Variants in PGR observed in about 807,000 individuals in gnomAD.
PGR encodes the protein nuclear receptor subfamily 3 group C member 3.
Under a neutral mutation model 76.1 loss-of-function variants are expected in PGR, and 25 were observed. The ratio of observed to expected loss-of-function variants is 0.33; its 90% CI spans 0.24 to 0.46. The LOEUF (loss-of-function observed/expected upper bound fraction) is 0.46, where lower values mean the gene tolerates loss of function less well. PGR is among the 20% of genes least tolerant of loss of function. The probability of loss-of-function intolerance (pLI) is 1.00; values close to 1 mark genes in which losing one functional copy is unlikely to be tolerated. For missense variants in PGR, 1,172 were observed against 1,225.3 expected (o/e 0.96, Z 0.65); for synonymous variants, 579 against 535.0 (o/e 1.08, Z -1.14).
intron 4 of PGR, among the ~76,000 whole-genome samples, chr11:101,055,406 C>A (rs1860252006): frequency 2.0e-5 from 2 of 98,258 alleles, no homozygotes; most frequent in Non-Finnish European, 1.8e-5. Context: ...CACAGCGAGA[C>A]TCCATCTCAA....
At chr11:101,059,751 T>C (rs573814125) in intron 4 of PGR, among the ~76,000 whole-genome samples, 2 of 142,990 alleles carry the variant, frequency 1.4e-5, no homozygotes, top group East Asian at 4.3e-4. Context: ...GCTGAGGTGG[T>C]AGGATAACTT....
intron 3 of PGR, among the ~76,000 whole-genome samples, chr11:101,075,771 C>T (rs959579531): frequency 3.9e-5 from 6 of 152,082 alleles, no homozygotes; most frequent in African/African-American, 1.4e-4. Context: ...CAATGAGATG[C>T]CATTTCATGC....
At chr11:101,118,320 A>G (rs554101035) in intron 2 of PGR, among the ~76,000 whole-genome samples, 1 of 152,360 alleles carries the variant, frequency 6.6e-6, no homozygotes, top group Admixed American at 6.5e-5. Flanking sequence ...TAAACACTCA[A>G]TAAATGATAA....
chr11:101,113,549 C>T (rs78174992), intron 2 of PGR, among the ~76,000 whole-genome samples: 15,978 of 152,006 alleles, frequency 0.11, 908 homozygotes, highest in East Asian at 0.19. Flanking sequence ...GGATTACAGG[C>T]GTGAGCCATT....
At chr11:101,079,522 A>G (rs895750817) in intron 3 of PGR, among the ~76,000 whole-genome samples, 3 of 152,192 alleles carry the variant, frequency 2.0e-5, no homozygotes, top group Admixed American at 6.6e-5. Context: ...AATGCTCAAC[A>G]TCACTAATCA....
chr11:101,116,567 C>G (rs954126685), intron 2 of PGR, among the ~76,000 whole-genome samples: 13 of 151,998 alleles, frequency 8.6e-5, no homozygotes, highest in Non-Finnish European at 1.8e-4. Context: ...CGGTGAAACC[C>G]TGTCTCTACT....
chr11:101,115,005 T>C (rs1862457988), intron 2 of PGR, among the ~76,000 whole-genome samples: 1 of 152,182 alleles, frequency 6.6e-6, no homozygotes, highest in Admixed American at 6.6e-5. Flanking sequence ...ATCCTCACCA[T>C]TCCTTTAAAG....
chr11:101,058,513 T>C (rs1203418395), intron 4 of PGR, among the ~76,000 whole-genome samples: 1 of 152,126 alleles, frequency 6.6e-6, no homozygotes, highest in East Asian at 1.9e-4. Flanking sequence ...ATACTGATAA[T>C]TGCAAGTAGT....
At position 101,062,606 on chromosome 11, in the gene PGR, G is replaced by A. The variant is rs767006543; in HGVS notation, c.2053C>T (p.Pro685Ser). Residue 685 changes from proline (P) to serine (S), a missense_variant, in exon 4 of 8, where the codon CCA (proline) becomes TCA (serine). Physicochemically the swap from Pro to Ser is moderately conservative, Grantham distance 74 (BLOSUM62 -1). Around this residue, in one of 4 missense-constraint regions of PGR, gnomAD observed 166 missense variants for 296.0 expected, o/e 0.56. Transcript: ENST00000325455. Reference sequence around the variant, plus strand: ...CTCATTAACAGGTTGATCAGTGGTGGAATCAACTGTATGTCTTGACCTGGT... The same window carrying A: ...CTCATTAACAGGTTGATCAGTGGTGAAATCAACTGTATGTCTTGACCTGGT... ...FSPGQDIQLI[P>S]PLINLLMSIE... The A allele has an allele frequency of 1.9e-5, 30 of 1,613,888 alleles. No homozygotes were observed. The highest frequency in any genetic ancestry group is 2.3e-5 in the Non-Finnish European group (27 of 1,179,962).
chr11:101,118,805 CA>C (rs1381554402), intron 2 of PGR, among the ~76,000 whole-genome samples: 1 of 152,156 alleles, frequency 6.6e-6, no homozygotes, highest in Non-Finnish European at 1.5e-5. Context: ...CATCTAGCCA[CA>C]AGAAGGATAT....
intron 4 of PGR, among the ~76,000 whole-genome samples, chr11:101,060,953 A>G (rs1431091556): frequency 3.3e-5 from 5 of 152,208 alleles, no homozygotes; most frequent in Admixed American, 2.0e-4. Flanking sequence ...TGAATAAGTC[A>G]TCTTTTCAAG....
In PGR at chr11:101,068,847, C is replaced by T. The variant is rs112078194; in HGVS notation, c.1907-6095G>A. On this transcript the variant is annotated intron_variant, in intron 3 of 7. Coordinates refer to ENST00000325455, the MANE Select transcript of PGR (RefSeq NM_000926.4). ...AAACTGAAAGTGGACCCCTTCCCTA[C>T]ACCTAATACAAAAATTAACTCAAGA... 4.4e-3 allele frequency among the ~76,000 whole-genome samples: 664 copies of T among 152,192 alleles called. 9 individuals carry two copies. The highest frequency in any genetic ancestry group is 0.015 in the African/African-American group (614 of 41,498).
chr11:101,080,217 G>C (rs566000199), intron 3 of PGR, among the ~76,000 whole-genome samples: 2 of 152,008 alleles, frequency 1.3e-5, no homozygotes, highest in African/African-American at 4.8e-5. Flanking sequence ...GCTTTTGCTC[G>C]GAAACAAGGA....
At chr11:101,068,371 C>A (rs892830797) in intron 3 of PGR, among the ~76,000 whole-genome samples, 3 of 151,862 alleles carry the variant, frequency 2.0e-5, no homozygotes, top group Admixed American at 6.6e-5. Flanking sequence ...GAAATCAGGG[C>A]ACAAACAAAT....
At chr11:101,087,368 TA>T (rs1274917411) in intron 3 of PGR, among the ~76,000 whole-genome samples, 4 of 152,208 alleles carry the variant, frequency 2.6e-5, no homozygotes, top group African/African-American at 9.7e-5. Context: ...CTGGGATACC[TA>T]CCTAGTCACA....
intron 3 of PGR, among the ~76,000 whole-genome samples, chr11:101,079,797 T>A (rs1255997927): frequency 6.6e-6 from 1 of 152,210 alleles, no homozygotes; most frequent in African/African-American, 2.4e-5. Context: ...ATTGAAGATA[T>A]TATCTGCATT....
At chr11:101,099,995 T>C (rs776760708) in intron 2 of PGR, among the ~76,000 whole-genome samples, 1 of 152,172 alleles carries the variant, frequency 6.6e-6, no homozygotes, top group Non-Finnish European at 1.5e-5. Context: ...GAGTGCTGAA[T>C]TGGGGCAAAG....
intron 2 of PGR, among the ~76,000 whole-genome samples, chr11:101,117,997 G>C (rs974306064): frequency 1.3e-5 from 2 of 152,124 alleles, no homozygotes; most frequent in African/African-American, 4.8e-5. Context: ...TTCCTCTCTA[G>C]TTCACTTATA....
At chr11:101,061,982 A>G (rs940509553) in intron 4 of PGR, among the ~76,000 whole-genome samples, 2 of 152,236 alleles carry the variant, frequency 1.3e-5, no homozygotes, top group African/African-American at 4.8e-5. Context: ...ACGTTAGGGA[A>G]TTTTGTTTTC....
Sources: allele counts gnomAD v4.1 joint callset (sites outside exome capture counted in the v4.1 genomes callset), GRCh38; gene constraint gnomAD v4.1.1; regional missense constraint gnomAD v4.1.1; transcripts MANE v1.5; gene names NCBI Gene and HGNC (gene_info 2026-07-23, HGNC 2026-07-21).